SYNE3: variants seen among roughly 807,000 people sequenced by gnomAD.
SYNE3 encodes the protein spectrin repeat containing nuclear envelope family member 3, also known as nesprin-3.
SYNE3 carries 100 observed loss-of-function variants against 111.2 expected under a neutral mutation model. The ratio of observed to expected loss-of-function variants is 0.90; its 90% confidence interval spans 0.77 to 1.06. SYNE3 has a LOEUF of 1.06. Ranked by LOEUF, SYNE3 falls within the 50% of genes least tolerant of loss-of-function variation. SYNE3 has a pLI of 0.00. For synonymous variants in SYNE3, 547 were observed against 533.9 expected (o/e 1.02, Z -0.34); for missense variants, 1,160 against 1,240.3 (o/e 0.94, Z 0.97).
chr14:95,484,230 T>C (rs1889417716), intron 1 of SYNE3, among the ~76,000 whole-genome samples: 1 of 150,700 alleles, frequency 6.6e-6, no homozygotes, highest in African/African-American at 2.4e-5. Flanking sequence ...GGGGGCAGAG[T>C]GTATGCAAGG....
chr14:95,483,372 C>T (rs1417708233), intron 1 of SYNE3, among the ~76,000 whole-genome samples: 1 of 152,210 alleles, frequency 6.6e-6, no homozygotes, highest in Non-Finnish European at 1.5e-5. Flanking sequence ...CCGTGACTCA[C>T]TCGGCTGTCC....
intron 10 of SYNE3, 77 bp downstream of exon 10, chr14:95,444,408 C>T (rs1886583389): frequency 6.6e-7 from 1 of 1,504,774 alleles, no homozygotes; most frequent in Non-Finnish European, 8.9e-7. Flanking sequence ...TTGCTGGTTA[C>T]TGCTAGAGGG....
At chr14:95,426,476 C>T (rs1885432467) in intron 17 of SYNE3, among the ~76,000 whole-genome samples, 1 of 152,122 alleles carries the variant, frequency 6.6e-6, no homozygotes. Flanking sequence ...GGCCAAGGGG[C>T]CCAGAAACCA....
chr14:95,487,477 G>A (rs961221673), intron 1 of SYNE3, among the ~76,000 whole-genome samples: 1 of 152,166 alleles, frequency 6.6e-6, no homozygotes, highest in Non-Finnish European at 1.5e-5. Context: ...AGCTCCCTGA[G>A]GAGGGGTTTG....
intron 8 of SYNE3, 104 bp downstream of exon 8, chr14:95,449,827 T>C (rs1055379798): frequency 1.4e-6 from 2 of 1,468,394 alleles, no homozygotes; most frequent in Non-Finnish European, 1.8e-6. Flanking sequence ...TCCCCAGATA[T>C]CCGGAGGACC....
intron 4 of SYNE3, among the ~76,000 whole-genome samples, chr14:95,465,416 C>G (rs1056746454): frequency 6.6e-6 from 1 of 151,852 alleles, no homozygotes; most frequent in South Asian, 2.1e-4. Flanking sequence ...GCTGGATAAA[C>G]GAGTGGGTGA....
chr14:95,504,203 T>C (rs921292421), intron 1 of SYNE3, among the ~76,000 whole-genome samples: 2 of 152,266 alleles, frequency 1.3e-5, no homozygotes, highest in Non-Finnish European at 2.9e-5. Context: ...TTCATTTACA[T>C]AGCATCTGTG....
chr14:95,457,255 C>T lies in SYNE3; in HGVS notation c.711G>A (p.Lys237=), dbSNP rs147525759. Residue 237 remains lysine (K), a synonymous_variant, in exon 5 of 18, where the codon AAG becomes AAA. Coordinates refer to ENST00000682763, the MANE Select transcript of SYNE3 (RefSeq NM_152592.6). The stretch of plus-strand genomic sequence containing the variant: ...AGCCATTCACCTTCTCCACCACCGC[C>T]TTCAGCCACAGTTGGAACTCGTCCA... ...AGVDEFQLWL[K]AVVEKVNGCL... is the part of the protein sequence containing the mutation. The T allele has an allele frequency of 1.9e-4, 305 of 1,614,168 alleles. 2 individuals carry two copies. In the East Asian group the frequency reaches 6.7e-3, roughly 36 times the overall value.
Position 95,509,855 on chromosome 14 carries a change from G to A in SYNE3, c.-15+6741C>T, listed in dbSNP as rs118146055. ...TCATCAAGCAACCAGCCCGAGTTGC[G>A]TTACACCATGAATATCAGTGAAACA... is the stretch of plus-strand genomic sequence containing the variant. On this transcript the variant is annotated intron_variant, in intron 1 of 17. Transcript: ENST00000682763. Among the ~76,000 whole-genome samples, 424 of 152,304 alleles carry A rather than the reference G, an allele frequency of 2.8e-3. 11 individuals carry two copies. The East Asian group carries it at 0.069, about 25-fold the overall frequency.
In SYNE3 at chr14:95,496,483, A is replaced by G. The variant is rs181213556; in HGVS notation, c.-15+20113T>C. 8.1e-3 allele frequency among the ~76,000 whole-genome samples: 1,235 copies of G among 152,294 alleles called. 5 individuals carry two copies. Among genetic ancestry groups the G allele is most frequent in the Middle Eastern group, 0.041 (12 of 294 alleles). On this transcript the variant is annotated intron_variant, in intron 1 of 17. Transcript: ENST00000682763. ...ATTCACATTCCAAAATGTGTCTGTGAGCTGGGGATTTTAACCAGCCTCCTC... is the reference window on the plus strand; with the variant it reads ...ATTCACATTCCAAAATGTGTCTGTGGGCTGGGGATTTTAACCAGCCTCCTC...
At chr14:95,459,916 A>AGTGAGATG (rs3036486) in intron 4 of SYNE3, among the ~76,000 whole-genome samples, 10,234 of 151,814 alleles carry the variant, frequency 0.067, 1,110 homozygotes, top group African/African-American at 0.23. Flanking sequence ...TGAGAAACAC[A>AGTGAGATG]GTGAGATGGC....
At chr14:95,454,631 T>C (rs1038137478) in intron 6 of SYNE3, among the ~76,000 whole-genome samples, 1 of 152,200 alleles carries the variant, frequency 6.6e-6, no homozygotes, top group African/African-American at 2.4e-5. Flanking sequence ...GCCCTTTGTT[T>C]CTCCCTACTA....
At chr14:95,474,279 C>T (rs886384180) in intron 2 of SYNE3, among the ~76,000 whole-genome samples, 5 of 152,188 alleles carry the variant, frequency 3.3e-5, no homozygotes, top group Admixed American at 6.5e-5. Flanking sequence ...GTGAGAGCCA[C>T]GGAAGGTTTT....
At chr14:95,487,557 G>T (rs1169507870) in intron 1 of SYNE3, among the ~76,000 whole-genome samples, 1 of 152,118 alleles carries the variant, frequency 6.6e-6, no homozygotes, top group Non-Finnish European at 1.5e-5. Flanking sequence ...CTTCTTGGGG[G>T]TATAATTGGT....
intron 17 of SYNE3, among the ~76,000 whole-genome samples, chr14:95,424,186 C>T (rs1885311250): frequency 6.6e-6 from 1 of 152,116 alleles, no homozygotes; most frequent in African/African-American, 2.4e-5. Flanking sequence ...GGAGAGTCAC[C>T]TATGAGACGG....
chr14:95,459,597 CT>C (rs1357705810), intron 4 of SYNE3, among the ~76,000 whole-genome samples: 1 of 152,190 alleles, frequency 6.6e-6, no homozygotes, highest in Non-Finnish European at 1.5e-5. Flanking sequence ...ACATTCTCAG[CT>C]GGGAAGAGTG....
In SYNE3 at chr14:95,413,078, CTAGCGCTTGTCCTCAGAGGAAAG is replaced by C. The variant is rs1039172947; in HGVS notation, c.*4725_*4747del. The C allele has an allele frequency of 8.5e-5, 13 of 152,174 alleles. No homozygotes were observed. Among genetic ancestry groups the C allele is most frequent in the African/African-American group, 2.4e-4 (10 of 41,414 alleles). 9.4% of individuals were successfully genotyped at this position (152,174 alleles called of 1,614,324 possible). ...CCTTTGGTCAGTGAAAGCTTTGCCA[CTAGCGCTTGTCCTCAGAGGAAAG>C]TTGGGAACCATGAAGGCACAGCCTG... On this transcript the variant is annotated 3_prime_UTR_variant, in exon 18 of 18. Transcript: ENST00000682763.
At chr14:95,458,099 G>A (rs1401872125) in intron 4 of SYNE3, among the ~76,000 whole-genome samples, 3 of 152,168 alleles carry the variant, frequency 2.0e-5, no homozygotes, top group African/African-American at 7.2e-5. Context: ...GAAAAACAGT[G>A]GTGTCCTGCT....
At chr14:95,483,595 C>T (rs1889380994) in intron 1 of SYNE3, among the ~76,000 whole-genome samples, 2 of 152,120 alleles carry the variant, frequency 1.3e-5, no homozygotes, top group Non-Finnish European at 2.9e-5. Flanking sequence ...TCCTCTGTGG[C>T]ACTGGCAGAA....
Sources: allele counts gnomAD v4.1 joint callset (sites outside exome capture counted in the v4.1 genomes callset), GRCh38; gene constraint gnomAD v4.1.1; transcripts MANE v1.5; gene names NCBI Gene and HGNC (gene_info 2026-07-23, HGNC 2026-07-21).